Variants in STX3 observed in about 807,000 individuals in gnomAD.
STX3 encodes the protein syntaxin-3.
STX3 carries 19 observed loss-of-function variants against 40.2 expected under a neutral mutation model. The ratio of observed to expected loss-of-function variants is 0.47; its 90% CI spans 0.33 to 0.69. The LOEUF (loss-of-function observed/expected upper bound fraction) is 0.69. STX3 is among the 30% of genes least tolerant of loss of function. The pLI is 0.02. For synonymous variants in STX3, 122 were observed against 132.2 expected, an observed-to-expected ratio of 0.92 and a Z score of 0.53; for missense variants, 364 against 366.7, an observed-to-expected ratio of 0.99 and a Z score of 0.06.
intron 9 of STX3, chr11:59,795,737 C>T (rs1865480527): frequency 6.5e-7 from 1 of 1,528,718 alleles, no homozygotes; most frequent in South Asian, 1.2e-5. Context: ...CTCAACTGTC[C>T]TTCGTCTCAG....
chr11:59,774,891 T>G (rs1011992511), intron 2 of STX3, among the ~76,000 whole-genome samples: 37 of 152,202 alleles, frequency 2.4e-4, no homozygotes, highest in African/African-American at 8.9e-4. Context: ...GCATAGCATC[T>G]GGCATATATG....
At position 59,801,040 on chromosome 11, in the gene STX3, CCA is replaced by C; in HGVS notation, c.*217_*218del. The C allele has an allele frequency of 6.7e-7, 1 of 1,482,098 alleles. No homozygotes were observed. The highest frequency in any genetic ancestry group is 8.9e-7 in the Non-Finnish European group (1 of 1,118,552). The allele number at this position is 1,482,098 out of a possible 1,614,324, so 91.8% of individuals were successfully genotyped here. On this transcript the variant is annotated 3_prime_UTR_variant, in exon 11 of 11. Transcript: ENST00000337979. ...TACCTGATGCGACCCTGAGTTCTCCCCAGAGCCTCCTCCTGCCCCACCAGCTC... is the reference window on the plus strand; with the variant it reads ...TACCTGATGCGACCCTGAGTTCTCCCGAGCCTCCTCCTGCCCCACCAGCTC...
chr11:59,756,405 T>G (rs1188486550), intron 1 of STX3, among the ~76,000 whole-genome samples: 1 of 152,206 alleles, frequency 6.6e-6, no homozygotes, highest in Non-Finnish European at 1.5e-5. Context: ...AAGCCAGATA[T>G]TCATTGACTC....
rs538277411 is a variant in STX3 at position 59,791,804 on chromosome 11, GA to G, written c.358-298del. On this transcript the variant is annotated intron_variant, in intron 5 of 10. Coordinates refer to ENST00000337979, the MANE Select transcript of STX3 (RefSeq NM_004177.5). ...AGAATGCAAGCCAAGTGTTGTGCCA[GA>G]AAAATGCTACTAGTCCATGTGGATG... Among the ~76,000 whole-genome samples, 40 of 152,260 alleles carry G rather than the reference GA, an allele frequency of 2.6e-4. No individual in the cohort carries two copies. The South Asian group carries it at 7.5e-3, about 28-fold the overall frequency.
Position 59,797,335 on chromosome 11 carries a change from T to C in STX3, c.839T>C (p.Leu280Ser). Residue 280 changes from leucine (L) to serine (S), a missense_variant, in exon 10 of 11, where the codon TTG (leucine) becomes TCG (serine). Leu to Ser is a moderately radical substitution (Grantham distance 145, BLOSUM62 -2). Coordinates refer to ENST00000337979, the MANE Select transcript of STX3 (RefSeq NM_004177.5). ...LVVVLLGILALIIGLSVGLN is the reference protein window; with the variant it reads ...LVVVLLGILASIIGLSVGLN The stretch of plus-strand genomic sequence containing the variant: ...GTTGTGTTGCTGGGCATTTTAGCAT[T>C]GATTATTGGACTTTCCGTTGGGCTG... 1 of 1,614,186 alleles carries C rather than the reference T, an allele frequency of 6.2e-7. No homozygotes were observed. The highest frequency in any genetic ancestry group is 8.5e-7 in the Non-Finnish European group (1 of 1,180,040).
At chr11:59,758,828 T>A (rs1045516944) in intron 1 of STX3, among the ~76,000 whole-genome samples, 14 of 152,214 alleles carry the variant, frequency 9.2e-5, no homozygotes, top group African/African-American at 1.4e-4. Flanking sequence ...CAGCAAACAT[T>A]TGCTGAGTAC....
intron 2 of STX3, among the ~76,000 whole-genome samples, chr11:59,777,517 G>A (rs538069286): frequency 8.3e-4 from 127 of 152,354 alleles, no homozygotes; most frequent in African/African-American, 3.1e-3. Context: ...CAGCGATGGA[G>A]CCTTGACCTG....
At chr11:59,792,643 AG>A (rs1186758651) in intron 6 of STX3, among the ~76,000 whole-genome samples, 3 of 152,226 alleles carry the variant, frequency 2.0e-5, no homozygotes, top group African/African-American at 7.2e-5. Context: ...GTAATGTGGA[AG>A]GCAGGGCCCC....
chr11:59,794,794 C>G (rs769911567), intron 8 of STX3, among the ~76,000 whole-genome samples: 4 of 152,168 alleles, frequency 2.6e-5, no homozygotes, highest in Admixed American at 6.5e-5. Flanking sequence ...AAAATATAAC[C>G]AAATAGCTTG....
At chr11:59,793,813 T>G (rs1865357579) in intron 8 of STX3, among the ~76,000 whole-genome samples, 1 of 152,050 alleles carries the variant, frequency 6.6e-6, no homozygotes, top group Non-Finnish European at 1.5e-5. Context: ...TTTGATTTTT[T>G]TTTTTTTTTT....
In STX3 at chr11:59,795,371, G is replaced by C; in HGVS notation, c.676-1G>C. The C allele has an allele frequency of 6.2e-7, 1 of 1,611,746 alleles. No homozygotes were observed. The highest frequency in any genetic ancestry group is 8.5e-7 in the Non-Finnish European group (1 of 1,178,944). On this transcript the variant is annotated splice_acceptor_variant, in intron 8 of 10. Coordinates refer to ENST00000337979, the MANE Select transcript of STX3 (RefSeq NM_004177.5). LOFTEE classifies it high-confidence loss of function. The stretch of plus-strand genomic sequence containing the variant: ...GTGTGATCAGAGTCTGTTCTTTGCA[G>C]GGTGAGATGTTAGATAACATAGAGT...
intron 1 of STX3, among the ~76,000 whole-genome samples, chr11:59,758,601 C>T (rs987606047): frequency 2.6e-5 from 4 of 152,232 alleles, no homozygotes; most frequent in Non-Finnish European, 4.4e-5. Context: ...AGATCTGACT[C>T]ACCTGGTCTC....
intron 3 of STX3, 108 bp from the exon 4 acceptor site, chr11:59,788,765 G>A: frequency 1.2e-6 from 1 of 810,464 alleles, no homozygotes; most frequent in Non-Finnish European, 2.0e-6. Flanking sequence ...ACCATTCTGG[G>A]CAGTGGATGC....
At chr11:59,800,111 C>G (rs1590837296) in intron 10 of STX3, 1 of 985,370 alleles carries the variant, frequency 1.0e-6, no homozygotes, top group Non-Finnish European at 1.2e-6. Flanking sequence ...GTTGACTAAC[C>G]CTATCTTTAA....
chr11:59,801,355 TGAGG>T lies in STX3; in HGVS notation c.*534_*537del, dbSNP rs1171308056. 9.1e-6 allele frequency: 9 copies of T among 989,352 alleles called. No homozygotes were observed. 61.3% of individuals were successfully genotyped at this position (989,352 alleles called of 1,614,324 possible). Reference sequence around the variant, plus strand: ...TTGTTGTCCGTATGTCCTGAAAACATGAGGGACTGGCAGATGTCATTTTGGTCTA... The same window carrying T: ...TTGTTGTCCGTATGTCCTGAAAACATGACTGGCAGATGTCATTTTGGTCTA... On this transcript the variant is annotated 3_prime_UTR_variant, in exon 11 of 11. Transcript: ENST00000337979.
chr11:59,788,044 C>T (rs1358426845), intron 3 of STX3, among the ~76,000 whole-genome samples: 1 of 152,234 alleles, frequency 6.6e-6, no homozygotes, highest in African/African-American at 2.4e-5. Flanking sequence ...CAGAGCAACT[C>T]TGTCTGGTTC....
Position 59,781,576 on chromosome 11 carries a change from C to T in STX3, c.115-5461C>T, listed in dbSNP as rs139779484. On this transcript the variant is annotated intron_variant, in intron 2 of 10. Coordinates refer to ENST00000337979, the MANE Select transcript of STX3 (RefSeq NM_004177.5). ...TCAGTTTTTATGGTGAGGTTTTTAC[C>T]ATCACAAGTGATGATACAATCTGGC... 147 of 1,613,752 alleles carry T rather than the reference C, an allele frequency of 9.1e-5. No individual in the cohort carries two copies. The African/African-American group carries it at 1.7e-3, about 19-fold the overall frequency.
At chr11:59,769,453 T>C (rs1047182848) in intron 1 of STX3, among the ~76,000 whole-genome samples, 1 of 152,148 alleles carries the variant, frequency 6.6e-6, no homozygotes, top group Non-Finnish European at 1.5e-5. Context: ...GTGGGGGTAT[T>C]ACTACTTACA....
At chr11:59,759,603 G>T (rs536702266) in intron 1 of STX3, among the ~76,000 whole-genome samples, 3 of 152,340 alleles carry the variant, frequency 2.0e-5, no homozygotes, top group African/African-American at 7.2e-5. Context: ...CTTGGAGACG[G>T]ATCTGTAGAG....
Sources: allele counts gnomAD v4.1 joint callset (sites outside exome capture counted in the v4.1 genomes callset), GRCh38; gene constraint gnomAD v4.1.1; transcripts MANE v1.5; gene names NCBI Gene and HGNC (gene_info 2026-07-23, HGNC 2026-07-21).